Variants in EXOC2 observed in about 807,000 individuals in gnomAD.
The protein encoded by EXOC2 is exocyst complex component 2.
Under a neutral mutation model 131.8 loss-of-function variants are expected in EXOC2, and 70 were observed. That is an observed-to-expected ratio of 0.53 (90% CI 0.44 to 0.65). The LOEUF (loss-of-function observed/expected upper bound fraction) is 0.65, where lower values mean the gene tolerates loss of function less well. Ranked by LOEUF, EXOC2 falls within the 30% of genes least tolerant of loss-of-function variation. The pLI is 0.00. For synonymous variants in EXOC2, 411 were observed against 398.4 expected (o/e 1.03, Z -0.38); for missense variants, 923 against 1,108.6 (o/e 0.83, Z 2.38).
intron 10 of EXOC2, among the ~76,000 whole-genome samples, chr6:596,023 T>G (rs1441915839): frequency 6.6e-6 from 1 of 152,114 alleles, no homozygotes; most frequent in Non-Finnish European, 1.5e-5. Context: ...CGGGTCACTG[T>G]GTGTGCTGGG....
At position 675,703 on chromosome 6, in the gene EXOC2, A is replaced by ACT. The variant is rs200548064; in HGVS notation, c.-44+17314_-44+17315dup. Reference sequence around the variant, plus strand: ...ACGGAAAGGACAGGTTCCTCTGGAGACTGCGGTTCCCCATACTCTTCAACA... The same window carrying ACT: ...ACGGAAAGGACAGGTTCCTCTGGAGACTCTGCGGTTCCCCATACTCTTCAACA... On this transcript the variant is annotated intron_variant, in intron 1 of 27. Coordinates refer to ENST00000230449, the MANE Select transcript of EXOC2 (RefSeq NM_018303.6). 6.1e-4 allele frequency among the ~76,000 whole-genome samples: 59 copies of ACT among 97,242 alleles called. 2 individuals are homozygous for ACT. The highest frequency in any genetic ancestry group is 1.8e-3 in the South Asian group (4 of 2,236). The allele number at this position is 97,242 out of a possible 152,430, so 63.8% of individuals were successfully genotyped here.
chr6:673,252 C>CAAAAAAAAAAAAAAAAAAAAAAAAAA (rs56189394), intron 1 of EXOC2, among the ~76,000 whole-genome samples: 1 of 64,266 alleles, frequency 1.6e-5, no homozygotes, highest in Non-Finnish European at 2.8e-5. Context: ...ACTCCATAGC[C>CAAAAAAAAAAAAAAAAAAAAAAAAAA]AAAAAAAAAA....
chr6:492,864 A>C (rs761125401), intron 25 of EXOC2, among the ~76,000 whole-genome samples: 7 of 152,214 alleles, frequency 4.6e-5, no homozygotes, highest in Admixed American at 2.0e-4. Context: ...AAAATCATTG[A>C]ATTGCATATT....
chr6:532,973 G>C (rs1766184701), intron 22 of EXOC2, among the ~76,000 whole-genome samples: 1 of 152,160 alleles, frequency 6.6e-6, no homozygotes, highest in African/African-American at 2.4e-5. Flanking sequence ...CAAAGGGGAA[G>C]CAAGGCATCT....
chr6:583,254 T>C (rs1759013016), intron 11 of EXOC2, among the ~76,000 whole-genome samples: 3 of 152,188 alleles, frequency 2.0e-5, no homozygotes, highest in Admixed American at 2.0e-4. Flanking sequence ...CAATGTGTGT[T>C]TGACATTCAT....
intron 1 of EXOC2, chr6:657,100 T>A: frequency 1.7e-6 from 1 of 571,710 alleles, no homozygotes; most frequent in Non-Finnish European, 2.9e-6. Context: ...TTGCGGGTTC[T>A]GTTGTGGGTT....
chr6:607,573 T>A (rs1193981457), intron 7 of EXOC2, among the ~76,000 whole-genome samples: 2 of 152,244 alleles, frequency 1.3e-5, no homozygotes, highest in Non-Finnish European at 2.9e-5. Flanking sequence ...CGGGACTATT[T>A]CAATTTAAAG....
At chr6:585,404 A>C (rs538962275) in intron 11 of EXOC2, among the ~76,000 whole-genome samples, 1 of 152,322 alleles carries the variant, frequency 6.6e-6, no homozygotes, top group South Asian at 2.1e-4. Flanking sequence ...TTATACTCCG[A>C]AGGGCACCAT....
At chr6:658,133 C>T (rs191211392) in intron 1 of EXOC2, among the ~76,000 whole-genome samples, 3 of 152,104 alleles carry the variant, frequency 2.0e-5, no homozygotes, top group Admixed American at 6.5e-5. Flanking sequence ...AGCTGATACA[C>T]ATAATTCACT....
chr6:554,742 C>T (rs906998503), intron 20 of EXOC2, among the ~76,000 whole-genome samples: 1 of 151,798 alleles, frequency 6.6e-6, no homozygotes, highest in Admixed American at 6.6e-5. Context: ...AAAAAACCAG[C>T]ACTTTACAAT....
chr6:566,478 A>G (rs1178017517), intron 13 of EXOC2, among the ~76,000 whole-genome samples: 1 of 152,214 alleles, frequency 6.6e-6, no homozygotes, highest in Non-Finnish European at 1.5e-5. Flanking sequence ...AGGCATGCGC[A>G]GAGGGACCCC....
At chr6:510,804 TTTGAA>T in intron 23 of EXOC2, among the ~76,000 whole-genome samples, 1 of 152,354 alleles carries the variant, frequency 6.6e-6, no homozygotes, top group East Asian at 1.9e-4. Flanking sequence ...AAACCATTTG[TTTGAA>T]TTTAGTTTTT....
intron 6 of EXOC2, among the ~76,000 whole-genome samples, chr6:611,106 G>A (rs1249583258): frequency 6.6e-6 from 1 of 152,176 alleles, no homozygotes; most frequent in Non-Finnish European, 1.5e-5. Flanking sequence ...CTCTCTGTAA[G>A]GAAAGGAGAT....
At chr6:679,679 G>A (rs1764311761) in intron 1 of EXOC2, among the ~76,000 whole-genome samples, 1 of 152,162 alleles carries the variant, frequency 6.6e-6, no homozygotes, top group Non-Finnish European at 1.5e-5. Context: ...CAGCAAGACG[G>A]GGAAAAAACG....
intron 1 of EXOC2, among the ~76,000 whole-genome samples, chr6:674,809 A>G (rs1764036055): frequency 6.6e-6 from 1 of 152,024 alleles, no homozygotes; most frequent in South Asian, 2.1e-4. Flanking sequence ...TGCCCCTCTG[A>G]GAACTGGCTA....
intron 11 of EXOC2, among the ~76,000 whole-genome samples, chr6:579,153 T>C (rs1383603004): frequency 6.6e-6 from 1 of 152,180 alleles, no homozygotes; most frequent in African/African-American, 2.4e-5. Context: ...TTCCTGAAAA[T>C]ACGCATATAC....
chr6:488,890 C>G (rs1581276370), intron 27 of EXOC2, 89 bp downstream of exon 27: 1 of 1,360,032 alleles, frequency 7.4e-7, no homozygotes, highest in Non-Finnish European at 1.0e-6. Context: ...TTCCTAGAAT[C>G]CAAATCATTA....
At chr6:651,432 TAA>T (rs1762826314) in intron 1 of EXOC2, among the ~76,000 whole-genome samples, 2 of 151,872 alleles carry the variant, frequency 1.3e-5, no homozygotes, top group East Asian at 2.0e-4. Context: ...GGCGGGCAGA[TAA>T]CTTGAGGTCA....
Position 510,843 on chromosome 6 carries a change from C to T in EXOC2, c.2381-11143G>A, listed in dbSNP as rs145781088. ...TTTGTCAGAAATTTTTTTTTCATTA[C>T]AAGGAAACTTCAGTTAGAAAAGTGA... On this transcript the variant is annotated intron_variant, in intron 23 of 27. Transcript: ENST00000230449. 7.9e-5 allele frequency among the ~76,000 whole-genome samples: 12 copies of T among 152,034 alleles called. 1 individual carries two copies. In the East Asian group the frequency reaches 1.7e-3, roughly 22 times the overall value.
Sources: allele counts gnomAD v4.1 joint callset (sites outside exome capture counted in the v4.1 genomes callset), GRCh38; gene constraint gnomAD v4.1.1; transcripts MANE v1.5; gene names NCBI Gene and HGNC (gene_info 2026-07-23, HGNC 2026-07-21).